Variants in FBXO38 observed in about 807,000 individuals in gnomAD.
The protein encoded by FBXO38 is F-box only protein 38.
Under a neutral mutation model 131.9 loss-of-function variants are expected in FBXO38, and 53 were observed. That is an observed-to-expected ratio of 0.40 (90% CI 0.32 to 0.51). FBXO38 has a LOEUF of 0.51. Ranked by LOEUF, FBXO38 falls within the 20% of genes least tolerant of loss-of-function variation. The pLI, the probability that FBXO38 is intolerant of heterozygous loss-of-function variation, is 0.53. For synonymous variants in FBXO38, 452 were observed against 505.6 expected (o/e 0.89, Z 1.42); for missense variants, 1,076 against 1,475.6 (o/e 0.73, Z 4.44).
intron 18 of FBXO38, among the ~76,000 whole-genome samples, chr5:148,439,249 G>A (rs1754530968): frequency 6.6e-6 from 1 of 152,162 alleles, no homozygotes; most frequent in Non-Finnish European, 1.5e-5. Context: ...ACAAGAAAAT[G>A]CATTCTCTCT....
chr5:148,418,536 A>G (rs1753201104), intron 12 of FBXO38, among the ~76,000 whole-genome samples: 2 of 152,222 alleles, frequency 1.3e-5, no homozygotes, highest in African/African-American at 4.8e-5. Flanking sequence ...TTAAAAATGC[A>G]AAAATGAAAG....
chr5:148,399,124 T>C lies in FBXO38; in HGVS notation c.254T>C (p.Met85Thr). 6.2e-7 allele frequency: 1 copy of C among 1,612,978 alleles called. No homozygotes were observed. The highest frequency in any genetic ancestry group is 8.5e-7 in the Non-Finnish European group (1 of 1,179,372). ...DLCAGRWWEYMPSGFTDASFL... is the reference protein window; with the variant it reads ...DLCAGRWWEYTPSGFTDASFL... ...TGTGCAGGGCGGTGGTGGGAATACA[T>C]GCCAAGTGGTAAGTGGATTTAGTCT... The change falls in exon 3 of 22, where the codon ATG (methionine) becomes ACG (threonine). Residue 85 changes from methionine to threonine, a missense_variant. This residue lies in a region of FBXO38 where 96 missense variants were observed against 193.9 expected (regional missense o/e 0.50). Coordinates refer to ENST00000340253, the MANE Select transcript of FBXO38 (RefSeq NM_205836.3).
At chr5:148,397,887 A>G (rs1758562113) in intron 2 of FBXO38, among the ~76,000 whole-genome samples, 1 of 152,180 alleles carries the variant, frequency 6.6e-6, no homozygotes, top group African/African-American at 2.4e-5. Context: ...AACAGAAAAT[A>G]CACTTACCTG....
intron 6 of FBXO38, 142 bp downstream of exon 6, chr5:148,404,964 A>AT (rs200459971): frequency 1.4e-6 from 1 of 695,752 alleles, no homozygotes; most frequent in East Asian, 3.7e-5. Context: ...GTGAAGATAA[A>AT]TGTACTTTTT....
At chr5:148,384,290 C>T (rs922877796) in intron 1 of FBXO38, among the ~76,000 whole-genome samples, 2 of 152,208 alleles carry the variant, frequency 1.3e-5, no homozygotes, top group East Asian at 1.9e-4. Flanking sequence ...GCATAAAGAA[C>T]TCTCTCTGGG....
intron 14 of FBXO38, 108 bp from the exon 15 acceptor site, chr5:148,427,105 T>C: frequency 7.9e-7 from 1 of 1,259,594 alleles, no homozygotes; most frequent in Admixed American, 2.7e-5. Context: ...GGAAAATTAG[T>C]GTTTAGTATA....
intron 2 of FBXO38, among the ~76,000 whole-genome samples, chr5:148,396,511 A>G (rs748886042): frequency 6.6e-6 from 1 of 152,218 alleles, no homozygotes; most frequent in African/African-American, 2.4e-5. Context: ...TCTTACAGCT[A>G]AATTCAAAAT....
intron 3 of FBXO38, among the ~76,000 whole-genome samples, chr5:148,401,433 G>A (rs1442541590): frequency 6.6e-6 from 1 of 152,136 alleles, no homozygotes; most frequent in Non-Finnish European, 1.5e-5. Context: ...AAAATGGCGG[G>A]GGAGTAATAG....
rs772345898 is a variant in FBXO38, at chr5:148,424,084, A to G, written c.1705A>G (p.Ile569Val). ...GNNTPAHSQA[I>V]IPVDVDEEQA... Reference sequence around the variant, plus strand: ...TAATACTCCAGCTCACAGCCAGGCAATTATTCCTGTGGATGTTGATGAGGA... The same window carrying G: ...TAATACTCCAGCTCACAGCCAGGCAGTTATTCCTGTGGATGTTGATGAGGA... Residue 569 changes from isoleucine (I) to valine (V), a missense_variant, in exon 13 of 22, where the codon ATT (isoleucine) becomes GTT (valine). By Grantham distance (29) the Ile-to-Val change is conservative. Around this residue, in one of 8 missense-constraint regions of FBXO38, gnomAD observed 212 missense variants for 221.2 expected, o/e 0.96. Coordinates refer to ENST00000340253, the MANE Select transcript of FBXO38 (RefSeq NM_205836.3). The G allele has an allele frequency of 1.2e-5, 19 of 1,613,564 alleles. No individual in the cohort carries two copies. Among genetic ancestry groups the G allele is most frequent in the Middle Eastern group, 3.3e-4 (2 of 6,082 alleles).
At chr5:148,430,565 A>T (rs898694394) in intron 15 of FBXO38, 1 of 151,794 alleles carries the variant, frequency 6.6e-6, no homozygotes, top group African/African-American at 2.4e-5. Context: ...TCCTGACCTG[A>T]GGTGATCCAC....
At position 148,404,915 on chromosome 5, in the gene FBXO38, T is replaced by G. The variant is rs1310273358; in HGVS notation, c.730+93T>G. ...GCTACATTTGTAAATACAATTATAT[T>G]ATGCTATTACTATTTATGTCTTATA... On this transcript the variant is annotated intron_variant, in intron 6 of 21. Transcript: ENST00000340253. The G allele has an allele frequency of 2.6e-6, 3 of 1,132,116 alleles. No homozygotes were observed. The African/African-American group carries it at 4.9e-5, about 19-fold the overall frequency. 70.1% of individuals were successfully genotyped at this position (1,132,116 alleles called of 1,614,324 possible). A position where few individuals can be genotyped will look rare whatever the true frequency, so the allele number is the denominator to read the frequency against.
chr5:148,442,003 G>A lies in FBXO38; in HGVS notation c.3423G>A (p.Leu1141=). ...TIYAPRRKGQ[L]SADICMETIG... ...ATGCTCCTAGAAGGAAAGGACAGCT[G>A]TCTGCAGACATCTGTATGGAAACAA... Residue 1141 remains leucine, a synonymous_variant, in exon 22 of 22, where the codon CTG becomes CTA. Coordinates refer to ENST00000340253, the MANE Select transcript of FBXO38 (RefSeq NM_205836.3). 1 of 1,614,066 alleles carries A rather than the reference G, an allele frequency of 6.2e-7. No homozygotes were observed. The highest frequency in any genetic ancestry group is 8.5e-7 in the Non-Finnish European group (1 of 1,179,932).
intron 7 of FBXO38, among the ~76,000 whole-genome samples, chr5:148,408,354 C>T (rs1435658233): frequency 1.3e-5 from 2 of 152,166 alleles, no homozygotes; most frequent in Non-Finnish European, 2.9e-5. Context: ...ATACACATAG[C>T]AACAGTTGCA....
At position 148,425,447 on chromosome 5, in the gene FBXO38, T is replaced by A. The variant is rs1753658217; in HGVS notation, c.1739-75T>A. ...ACAAAGCATCTCTGTTGATTCCAGA[T>A]CCCTGGAAACAGTACTTTGCATTAG... On this transcript the variant is annotated intron_variant, in intron 13 of 21. Transcript: ENST00000340253. The A allele has an allele frequency of 3.4e-6, 4 of 1,164,458 alleles. No individual in the cohort carries two copies. The Admixed American group carries it at 7.9e-5, about 23-fold the overall frequency. 72.1% of individuals were successfully genotyped at this position (1,164,458 alleles called of 1,614,324 possible). A position where few individuals can be genotyped will look rare whatever the true frequency, so the allele number is the denominator to read the frequency against.
intron 11 of FBXO38, 36 bp downstream of exon 11, chr5:148,416,106 A>C: frequency 6.7e-7 from 1 of 1,487,924 alleles, no homozygotes; most frequent in Non-Finnish European, 9.0e-7. Context: ...GTTTATTTTG[A>C]TAGGAAAGAA....
At chr5:148,431,760 C>T (rs1446201533) in intron 15 of FBXO38, among the ~76,000 whole-genome samples, 1 of 152,172 alleles carries the variant, frequency 6.6e-6, no homozygotes, top group African/African-American at 2.4e-5. Context: ...CTTCAGGATA[C>T]TGTGGGAGAA....
At position 148,427,888 on chromosome 5, in the gene FBXO38, G is replaced by A. The variant is rs1245846325; in HGVS notation, c.2594G>A (p.Arg865Gln). ...GTGCAGTCTAATGAAGACTACCCTC[G>A]GAGGCCCCTAACCAGGGCCAGGAGC... Reference protein sequence around the residue: ...CDVQSNEDYPRRPLTRARSRL... With the variant: ...CDVQSNEDYPQRPLTRARSRL... The change falls in exon 15 of 22, where the codon CGG (arginine) becomes CAG (glutamine). Residue 865 changes from arginine to glutamine, a missense_variant. Physicochemically the swap from Arg to Gln is conservative, Grantham distance 43. Coordinates refer to ENST00000340253, the MANE Select transcript of FBXO38 (RefSeq NM_205836.3). 1 of 1,552,008 alleles carries A rather than the reference G, an allele frequency of 6.4e-7. No individual in the cohort carries two copies. Among genetic ancestry groups the A allele is most frequent in the Non-Finnish European group, 8.7e-7 (1 of 1,151,934 alleles).
intron 18 of FBXO38, among the ~76,000 whole-genome samples, chr5:148,439,379 G>A (rs548327921): frequency 1.2e-4 from 19 of 152,300 alleles, no homozygotes; most frequent in South Asian, 1.2e-3. Context: ...GTTGACTGAC[G>A]TCATTTATCT....
intron 1 of FBXO38, among the ~76,000 whole-genome samples, chr5:148,389,155 T>C (rs1365341138): frequency 6.6e-6 from 1 of 152,224 alleles, no homozygotes; most frequent in African/African-American, 2.4e-5. Context: ...TGCCATCTTA[T>C]ACAGCATGGT....
Sources: gnomAD v4.1 joint callset for allele counts (sites outside exome capture counted in the v4.1 genomes callset) on GRCh38, gnomAD v4.1.1 for gene constraint, gnomAD v4.1.1 regional missense constraint, MANE v1.5 for transcripts, NCBI Gene and HGNC (gene_info 2026-07-23, HGNC 2026-07-21) for gene names.